Variants in RABGAP1 observed in about 807,000 individuals in gnomAD.
RABGAP1 encodes RAB GTPase activating protein 1.
In RABGAP1, 23 loss-of-function variants were observed where a neutral mutation model predicts 137.6. That is an observed-to-expected ratio of 0.17 (90% CI 0.12 to 0.24). The LOEUF (loss-of-function observed/expected upper bound fraction) is 0.24, where lower values mean the gene tolerates loss of function less well. Ranked by LOEUF, RABGAP1 falls within the 10% of genes least tolerant of loss-of-function variation. The pLI is 1.00. For missense variants in RABGAP1, 906 were observed against 1,275.8 expected (o/e 0.71, Z 4.42); for synonymous variants, 451 against 450.7 (o/e 1.00, Z -0.01).
At chr9:122,997,230 T>A (rs1405995965) in intron 8 of RABGAP1, 29 bp from the exon 9 acceptor site, 1 of 1,537,462 alleles carries the variant, frequency 6.5e-7, no homozygotes, top group Non-Finnish European at 8.9e-7. Flanking sequence ...ACTGTGGCAT[T>A]CGGGTTTATT....
intron 13 of RABGAP1, among the ~76,000 whole-genome samples, chr9:123,032,090 A>G (rs924664902): frequency 2.0e-5 from 3 of 152,204 alleles, no homozygotes; most frequent in African/African-American, 7.2e-5. Flanking sequence ...GCCCTTCAGG[A>G]TTCAGAGGAG....
At chr9:123,101,484 T>A in intron 24 of RABGAP1, 82 bp from the exon 25 acceptor site, 1 of 1,301,500 alleles carries the variant, frequency 7.7e-7, no homozygotes, top group Admixed American at 2.7e-5. Context: ...CGTCTCTTGG[T>A]GTCCCCCAAA....
At chr9:122,992,159 C>G (rs1027628380) in intron 6 of RABGAP1, among the ~76,000 whole-genome samples, 2 of 151,958 alleles carry the variant, frequency 1.3e-5, no homozygotes, top group Non-Finnish European at 2.9e-5. Flanking sequence ...GCCTCAGCCT[C>G]CTGAGTAGCT....
intron 13 of RABGAP1, among the ~76,000 whole-genome samples, chr9:123,054,659 C>T (rs2033621251): frequency 6.6e-6 from 1 of 152,118 alleles, no homozygotes; most frequent in Non-Finnish European, 1.5e-5. Context: ...CTCCAGGATT[C>T]CCTCCAGGTG....
chr9:123,040,174 A>G (rs2032882889), intron 13 of RABGAP1, among the ~76,000 whole-genome samples: 1 of 152,150 alleles, frequency 6.6e-6, no homozygotes. Context: ...GTCTTCCAGG[A>G]AGCCTCACTG....
chr9:122,990,199 T>C lies in RABGAP1; in HGVS notation c.909T>C (p.Gly303=). The C allele has an allele frequency of 1.2e-6, 2 of 1,606,816 alleles. No homozygotes were observed. Among genetic ancestry groups the C allele is most frequent in the Non-Finnish European group, 1.7e-6 (2 of 1,174,680 alleles). ...SVSLEIKEDD[G]KGYFSAVPKD... is the part of the protein sequence containing the mutation. The stretch of plus-strand genomic sequence containing the variant: ...CTTTAGAAATAAAAGAAGATGATGG[T>C]AAAGGTTATTTTAGGTAGGGAATCT... The change falls in exon 6 of 26, where the codon GGT becomes GGC. Residue 303 remains glycine, a synonymous_variant. Transcript: ENST00000373647.
intron 13 of RABGAP1, among the ~76,000 whole-genome samples, chr9:123,040,123 A>G (rs1349543052): frequency 1.3e-5 from 2 of 152,152 alleles, no homozygotes; most frequent in Non-Finnish European, 2.9e-5. Flanking sequence ...AGAACTATAT[A>G]GTCTTTAGGT....
rs377587679 is a variant in RABGAP1 at position 123,090,713 on chromosome 9, CCCT to C, written c.2628+333_2628+335del. ...TTAATCATTATAATTACGTTAACCT[CCCT>C]CCTCAGACAGGAAGAGATTTTGTTA... On this transcript the variant is annotated intron_variant, in intron 21 of 25. Coordinates refer to ENST00000373647, the MANE Select transcript of RABGAP1 (RefSeq NM_012197.4). Among the ~76,000 whole-genome samples, 444 of 152,286 alleles carry C rather than the reference CCCT, an allele frequency of 2.9e-3. 2 individuals carry two copies. The highest frequency in any genetic ancestry group is 0.01 in the African/African-American group (419 of 41,546).
chr9:122,960,585 T>C (rs1834801319), intron 2 of RABGAP1, among the ~76,000 whole-genome samples: 1 of 152,178 alleles, frequency 6.6e-6, no homozygotes, highest in Non-Finnish European at 1.5e-5. Flanking sequence ...CTGTATATTA[T>C]CTCAAGTATC....
Position 123,103,721 on chromosome 9 carries a change from G to A in RABGAP1, c.*508G>A, listed in dbSNP as rs1423627418. The A allele has an allele frequency of 1.3e-5, 2 of 148,206 alleles. No homozygotes were observed. The highest frequency in any genetic ancestry group is 5.0e-5 in the African/African-American group (2 of 40,380). 9.2% of individuals were successfully genotyped at this position (148,206 alleles called of 1,614,324 possible). On this transcript the variant is annotated 3_prime_UTR_variant, in exon 26 of 26. Transcript: ENST00000373647. ...AGAAGGTCCCCCAGGTAGACATGGA[G>A]AAGCACTTTGTTTTAAATAGGAGGG... is the stretch of plus-strand genomic sequence containing the variant.
At chr9:123,011,708 A>G (rs1401397548) in intron 11 of RABGAP1, among the ~76,000 whole-genome samples, 1 of 152,264 alleles carries the variant, frequency 6.6e-6, no homozygotes, top group Non-Finnish European at 1.5e-5. Context: ...CTGTAATCCC[A>G]GCATGGGAGG....
At chr9:123,052,817 G>A (rs886658764) in intron 13 of RABGAP1, among the ~76,000 whole-genome samples, 1 of 152,248 alleles carries the variant, frequency 6.6e-6, no homozygotes, top group Non-Finnish European at 1.5e-5. Context: ...GTGCACGCCT[G>A]TAATCCCAGC....
At chr9:123,014,627 G>T (rs1449163754) in intron 11 of RABGAP1, among the ~76,000 whole-genome samples, 2 of 150,218 alleles carry the variant, frequency 1.3e-5, no homozygotes, top group Non-Finnish European at 3.0e-5. Flanking sequence ...ACCCGACCGA[G>T]ACTGAGTAAT....
chr9:123,029,007 C>G (rs1323795806), intron 13 of RABGAP1, among the ~76,000 whole-genome samples: 1 of 152,130 alleles, frequency 6.6e-6, no homozygotes, highest in Non-Finnish European at 1.5e-5. Flanking sequence ...AAAGATCACT[C>G]TGTTACTTGG....
intron 13 of RABGAP1, among the ~76,000 whole-genome samples, chr9:123,041,593 T>C (rs1190705114): frequency 6.6e-6 from 1 of 152,086 alleles, no homozygotes; most frequent in Non-Finnish European, 1.5e-5. Flanking sequence ...CTATAAAGAA[T>C]AGCAAAGGTA....
chr9:123,052,713 T>A (rs1332778425), intron 13 of RABGAP1, among the ~76,000 whole-genome samples: 1 of 152,162 alleles, frequency 6.6e-6, no homozygotes, highest in Non-Finnish European at 1.5e-5. Flanking sequence ...GCAGATCACT[T>A]GAGGCTAGGA....
intron 2 of RABGAP1, among the ~76,000 whole-genome samples, chr9:122,966,384 C>T (rs1835143598): frequency 6.6e-6 from 1 of 151,894 alleles, no homozygotes; most frequent in Non-Finnish European, 1.5e-5. Context: ...ATTAGCCGGT[C>T]ATGGTGGTAC....
At chr9:123,045,163 ATACT>A (rs781139705) in intron 13 of RABGAP1, among the ~76,000 whole-genome samples, 8 of 152,348 alleles carry the variant, frequency 5.3e-5, no homozygotes, top group Middle Eastern at 3.4e-3. Context: ...CTTTCAGCAA[ATACT>A]TACTGAGTTG....
intron 22 of RABGAP1, among the ~76,000 whole-genome samples, 175 bp downstream of exon 22, chr9:123,098,020 G>A (rs1016247649): frequency 6.6e-6 from 1 of 152,202 alleles, no homozygotes; most frequent in Admixed American, 6.5e-5. Flanking sequence ...TAAAGTCTAG[G>A]AGGAGACAGT....
Sources: gnomAD v4.1 joint callset for allele counts (sites outside exome capture counted in the v4.1 genomes callset) on GRCh38, gnomAD v4.1.1 for gene constraint, MANE v1.5 for transcripts, NCBI Gene and HGNC (gene_info 2026-07-23, HGNC 2026-07-21) for gene names.